ADGRL2: variants seen among roughly 807,000 people sequenced by gnomAD.
ADGRL2 encodes the protein adhesion G protein-coupled receptor L2.
Under a neutral mutation model 157.4 loss-of-function variants are expected in ADGRL2, and 44 were observed. The observed-to-expected ratio is 0.28, with a 90% CI of 0.22 to 0.36. ADGRL2 has a LOEUF of 0.36. Ranked by LOEUF, ADGRL2 falls within the 10% of genes least tolerant of loss-of-function variation. The probability of loss-of-function intolerance (pLI) is 1.00; values close to 1 mark genes in which losing one functional copy is unlikely to be tolerated. For missense variants in ADGRL2, 1,510 were observed against 1,768.9 expected (o/e 0.85, Z 2.63); for synonymous variants, 585 against 624.7 (o/e 0.94, Z 0.95).
intron 1 of ADGRL2, among the ~76,000 whole-genome samples, chr1:81,724,037 T>C (rs1055887790): frequency 6.6e-6 from 1 of 152,164 alleles, no homozygotes; most frequent in African/African-American, 2.4e-5. Flanking sequence ...CTTACTTTTC[T>C]TGGGCTAAAG....
intron 3 of ADGRL2, among the ~76,000 whole-genome samples, chr1:81,932,843 G>T (rs1430439897): frequency 6.6e-6 from 1 of 152,024 alleles, no homozygotes; most frequent in African/African-American, 2.4e-5. Flanking sequence ...GCAGGCATGC[G>T]CCACCATGCA....
At chr1:81,617,183 C>A (rs974022251) in intron 3 of ADGRL2, among the ~76,000 whole-genome samples, 14 of 152,240 alleles carry the variant, frequency 9.2e-5, no homozygotes, top group Admixed American at 3.9e-4. Context: ...CTGAGCTCCA[C>A]CTCCTGTCAG....
intron 1 of ADGRL2, among the ~76,000 whole-genome samples, chr1:81,802,443 G>C (rs1051548855): frequency 1.3e-5 from 2 of 152,068 alleles, no homozygotes; most frequent in African/African-American, 4.8e-5. Flanking sequence ...TCGATCCGCA[G>C]AACTCTCAGT....
intron 3 of ADGRL2, among the ~76,000 whole-genome samples, chr1:81,667,995 T>C (rs1391114361): frequency 2.0e-5 from 3 of 152,192 alleles, no homozygotes. Flanking sequence ...TTAAACTTTT[T>C]GAAATCATTA....
chr1:81,868,635 C>G (rs781267623), intron 2 of ADGRL2, among the ~76,000 whole-genome samples: 1 of 151,988 alleles, frequency 6.6e-6, no homozygotes, highest in Non-Finnish European at 1.5e-5. Flanking sequence ...TTTTTTAGAA[C>G]GACATGTAAT....
chr1:81,417,129 C>G (rs1262945987), intron 1 of ADGRL2, among the ~76,000 whole-genome samples: 1 of 152,000 alleles, frequency 6.6e-6, no homozygotes, highest in African/African-American at 2.4e-5. Context: ...TAAATTTTCC[C>G]GAATTACATT....
At chr1:81,967,483 G>T (rs552082852) in intron 13 of ADGRL2, among the ~76,000 whole-genome samples, 2 of 151,982 alleles carry the variant, frequency 1.3e-5, no homozygotes. Context: ...GGATGGTCTC[G>T]ATCTTCTGAC....
chr1:81,434,198 A>G (rs1399966701), intron 1 of ADGRL2, among the ~76,000 whole-genome samples: 1 of 152,230 alleles, frequency 6.6e-6, no homozygotes. Flanking sequence ...ATTTGATACC[A>G]TCCCTGATCT....
chr1:81,511,589 A>G (rs2148089779), intron 2 of ADGRL2, among the ~76,000 whole-genome samples: 1 of 152,226 alleles, frequency 6.6e-6, no homozygotes, highest in East Asian at 1.9e-4. Flanking sequence ...TGTAGGGGGA[A>G]AGAAGTGGCC....
intron 1 of ADGRL2, among the ~76,000 whole-genome samples, chr1:81,353,853 C>G (rs1388929677): frequency 6.6e-6 from 1 of 152,076 alleles, no homozygotes; most frequent in Non-Finnish European, 1.5e-5. Flanking sequence ...CACCAGCGAG[C>G]TAAAGGTAAG....
At chr1:81,616,294 C>T (rs1188220509) in intron 3 of ADGRL2, among the ~76,000 whole-genome samples, 1 of 152,186 alleles carries the variant, frequency 6.6e-6, no homozygotes, top group African/African-American at 2.4e-5. Flanking sequence ...CCTCTCTCCC[C>T]ATCAACAGGT....
intron 3 of ADGRL2, among the ~76,000 whole-genome samples, chr1:81,628,800 G>A (rs961236779): frequency 3.9e-5 from 6 of 152,032 alleles, no homozygotes; most frequent in African/African-American, 1.4e-4. Context: ...TCAAATCAGA[G>A]AATGAATTTT....
At chr1:81,830,840 G>A (rs1488413183) in intron 1 of ADGRL2, among the ~76,000 whole-genome samples, 1 of 152,150 alleles carries the variant, frequency 6.6e-6, no homozygotes, top group Non-Finnish European at 1.5e-5. Context: ...ATCATTTGAT[G>A]TATTTTACTC....
At chr1:81,564,317 T>A (rs1455154887) in intron 2 of ADGRL2, among the ~76,000 whole-genome samples, 1 of 152,058 alleles carries the variant, frequency 6.6e-6, no homozygotes, top group Non-Finnish European at 1.5e-5. Context: ...CTGAATTGGG[T>A]TCTCTAAGTC....
rs115582997 is a variant in ADGRL2 at position 81,808,443 on chromosome 1, G to A, written c.-101+7375G>A. ...GTTTTCTTGGTGACTTTTGTTAGAT[G>A]CAGAGTTTTTTCTTTCTGCTTTTCA... On this transcript the variant is annotated intron_variant, in intron 1 of 23. Transcript: ENST00000686636. Among the ~76,000 whole-genome samples, 1,227 of 150,576 alleles carry A rather than the reference G, an allele frequency of 8.1e-3. 13 individuals carry two copies. The highest frequency in any genetic ancestry group is 0.028 in the African/African-American group (1,152 of 41,230).
At chr1:81,965,431 G>C (rs2149268986) in intron 11 of ADGRL2, among the ~76,000 whole-genome samples, 1 of 152,244 alleles carries the variant, frequency 6.6e-6, no homozygotes, top group African/African-American at 2.4e-5. Flanking sequence ...GGTTACTAGT[G>C]AGAATTAATG....
intron 1 of ADGRL2, among the ~76,000 whole-genome samples, chr1:81,380,324 A>G (rs2076322338): frequency 6.6e-6 from 1 of 152,210 alleles, no homozygotes; most frequent in Non-Finnish European, 1.5e-5. Context: ...TTAACACCTT[A>G]TTAAACGTAG....
chr1:81,538,884 T>C (rs572971486), intron 2 of ADGRL2, among the ~76,000 whole-genome samples: 6 of 152,020 alleles, frequency 3.9e-5, no homozygotes, highest in African/African-American at 1.2e-4. Context: ...GGTGTTTTCC[T>C]GTGGTCCCAG....
intron 1 of ADGRL2, among the ~76,000 whole-genome samples, chr1:81,744,953 A>C (rs2149238839): frequency 6.6e-6 from 1 of 152,296 alleles, no homozygotes; most frequent in South Asian, 2.1e-4. Flanking sequence ...ATTTGTTCCA[A>C]GCACAGAAGG....
Sources: gnomAD v4.1 joint callset for allele counts (sites outside exome capture counted in the v4.1 genomes callset) on GRCh38, gnomAD v4.1.1 for gene constraint, MANE v1.5 for transcripts, NCBI Gene and HGNC (gene_info 2026-07-23, HGNC 2026-07-21) for gene names.